TTLL9: variants seen among roughly 807,000 people sequenced by gnomAD.
The protein encoded by TTLL9 is tubulin tyrosine ligase like 9.
A neutral mutation model predicts 65.6 loss-of-function variants in TTLL9; 47 were observed. The ratio of observed to expected loss-of-function variants is 0.72; its 90% CI spans 0.57 to 0.91. The LOEUF (loss-of-function observed/expected upper bound fraction) is 0.91, where lower values mean the gene tolerates loss of function less well. Ranked by LOEUF, TTLL9 falls within the 40% of genes least tolerant of loss-of-function variation. The pLI is 0.00. For synonymous variants in TTLL9, 179 were observed against 204.8 expected (o/e 0.87, Z 1.07); for missense variants, 537 against 568.8 (o/e 0.94, Z 0.57).
intron 2 of TTLL9, among the ~76,000 whole-genome samples, chr20:31,880,269 GTCCATCCATCCA>G (rs893268938): frequency 2.6e-5 from 4 of 151,886 alleles, no homozygotes; most frequent in African/African-American, 9.7e-5. Context: ...CCGTCCATCC[GTCCATCCATCCA>G]TCCATCCATC....
At chr20:31,879,430 G>A (rs1161989770) in intron 2 of TTLL9, 1 of 172,960 alleles carries the variant, frequency 5.8e-6, no homozygotes, top group Non-Finnish European at 1.2e-5. Flanking sequence ...TTAGAAAGCG[G>A]CTGGGATAGC....
chr20:31,889,978 CTTTCTTTCTTTCTTTCTT>C (rs2063265034), intron 3 of TTLL9, among the ~76,000 whole-genome samples: 6 of 60,876 alleles, frequency 9.9e-5, no homozygotes, highest in African/African-American at 5.8e-4. Flanking sequence ...CTCTCTCTTT[CTTTCTTTCTTTCTTTCTT>C]TCTTTCTTTC....
chr20:31,943,985 G>A lies in TTLL9; in HGVS notation c.*964G>A, dbSNP rs952436289. ...CCTCTACCACTCCGCCTGCTTCAGA[G>A]TAGTTTCTCTGGCTGCAAATGGTTG... On this transcript the variant is annotated 3_prime_UTR_variant, in exon 15 of 15. Transcript: ENST00000535842. 8.1e-5 allele frequency: 29 copies of A among 358,460 alleles called. No individual in the cohort carries two copies. Among genetic ancestry groups the A allele is most frequent in the South Asian group, 5.4e-4 (26 of 48,404 alleles). 22.2% of individuals were successfully genotyped at this position (358,460 alleles called of 1,614,324 possible).
At chr20:31,892,182 CTT>C (rs199589961) in intron 3 of TTLL9, among the ~76,000 whole-genome samples, 52 of 125,154 alleles carry the variant, frequency 4.2e-4, no homozygotes, top group Admixed American at 8.8e-4. Context: ...CATAAACTTT[CTT>C]TTTTTTTTTT....
chr20:31,919,869 C>T lies in TTLL9; in HGVS notation c.510C>T (p.Ala170=). 6.3e-7 allele frequency: 1 copy of T among 1,589,434 alleles called. No individual in the cohort carries two copies. Among genetic ancestry groups the T allele is most frequent in the Non-Finnish European group, 8.6e-7 (1 of 1,168,484 alleles). ...CTGCCCCCATCCCACCCCAGGTAGC[C>T]CGGTCTCAAGGGAAAGGCATCTTCC... is the stretch of plus-strand genomic sequence containing the variant. The part of the protein sequence containing the change: ...PGITWIMKPV[A]RSQGKGIFLF... Residue 170 remains alanine (A), a synonymous_variant, in exon 7 of 15, where the codon GCC becomes GCT. Transcript: ENST00000535842.
At position 31,924,989 on chromosome 20, in the gene TTLL9, A is replaced by T. The variant is rs769765687; in HGVS notation, c.665-20A>T. On this transcript the variant is annotated intron_variant, in intron 8 of 14. Transcript: ENST00000535842. ...CGATCAATATTTGTTGCACAAATTA[A>T]TTTTTTCCTTGCCTGACAGGCCGCA... The T allele has an allele frequency of 6.2e-7, 1 of 1,613,812 alleles. No homozygotes were observed. The highest frequency in any genetic ancestry group is 8.5e-7 in the Non-Finnish European group (1 of 1,179,868).
intron 2 of TTLL9, among the ~76,000 whole-genome samples, chr20:31,873,829 A>G (rs200748621): frequency 1.9e-3 from 83 of 44,696 alleles, no homozygotes; most frequent in East Asian, 6.7e-3. Flanking sequence ...AGGAAGAAAG[A>G]AAGAAAGAAA....
chr20:31,886,982 T>A (rs1036176617), intron 2 of TTLL9, among the ~76,000 whole-genome samples: 1 of 152,240 alleles, frequency 6.6e-6, no homozygotes, highest in Non-Finnish European at 1.5e-5. Flanking sequence ...GTACCTTGGA[T>A]ACTTGGGAGT....
intron 3 of TTLL9, among the ~76,000 whole-genome samples, chr20:31,896,136 G>A (rs928706686): frequency 1.7e-4 from 26 of 152,166 alleles, no homozygotes; most frequent in African/African-American, 6.0e-4. Flanking sequence ...CACTGCGCCC[G>A]GCCTGATTTT....
intron 2 of TTLL9, chr20:31,879,894 G>A: frequency 1.3e-6 from 2 of 1,550,334 alleles, no homozygotes; most frequent in Non-Finnish European, 1.7e-6. Context: ...TGTCGCGACC[G>A]AAGGTAGGAG....
intron 2 of TTLL9, among the ~76,000 whole-genome samples, chr20:31,876,142 G>GTATT (rs1213203701): frequency 2.0e-5 from 3 of 152,114 alleles, no homozygotes; most frequent in Admixed American, 2.0e-4. Flanking sequence ...TCACTGTATG[G>GTATT]TATTTTATTA....
At chr20:31,924,513 CT>C (rs899157624) in intron 8 of TTLL9, among the ~76,000 whole-genome samples, 2 of 152,124 alleles carry the variant, frequency 1.3e-5, no homozygotes, top group Non-Finnish European at 2.9e-5. Flanking sequence ...AGTTTCAAGA[CT>C]TTCCCCCAAG....
At chr20:31,912,530 A>G (rs549169099) in intron 6 of TTLL9, among the ~76,000 whole-genome samples, 6 of 151,808 alleles carry the variant, frequency 4.0e-5, no homozygotes, top group Non-Finnish European at 5.9e-5. Context: ...CATTTCTAGC[A>G]AGTTCCCAGG....
At chr20:31,890,070 TGC>T (rs1257336978) in intron 3 of TTLL9, among the ~76,000 whole-genome samples, 4,765 of 77,154 alleles carry the variant, frequency 0.062, 300 homozygotes, top group African/African-American at 0.11. Flanking sequence ...CTTTCTTTCT[TGC>T]TTTCTTGCTT....
At chr20:31,923,275 C>A (rs547268761) in intron 8 of TTLL9, among the ~76,000 whole-genome samples, 1 of 152,332 alleles carries the variant, frequency 6.6e-6, no homozygotes, top group East Asian at 1.9e-4. Flanking sequence ...CAGAAAAATT[C>A]TCCTCCTTTA....
chr20:31,881,376 T>A lies in TTLL9; in HGVS notation c.70-5820T>A, dbSNP rs1017127492. Among the ~76,000 whole-genome samples the A allele has an allele frequency of 3.3e-5, 5 of 151,952 alleles. No homozygotes were observed. In the East Asian group the frequency reaches 9.6e-4, roughly 29 times the overall value. On this transcript the variant is annotated intron_variant, in intron 2 of 14. Coordinates refer to ENST00000535842, the MANE Select transcript of TTLL9 (RefSeq NM_001008409.5). ...CTGACTACAGTTGATACATGTTGAA[T>A]GACTATTGAACTACCTGTCTAGATG...
At chr20:31,885,728 C>T (rs139093165) in intron 2 of TTLL9, among the ~76,000 whole-genome samples, 8 of 152,154 alleles carry the variant, frequency 5.3e-5, no homozygotes, top group African/African-American at 1.9e-4. Context: ...AAGATTCCCA[C>T]CCCCTAGAGT....
chr20:31,905,558 G>A (rs562821342), intron 4 of TTLL9, among the ~76,000 whole-genome samples: 2 of 152,200 alleles, frequency 1.3e-5, no homozygotes, highest in South Asian at 2.1e-4. Context: ...CCATTACCAC[G>A]TGCTTCACGT....
chr20:31,906,846 C>T (rs2063566437), intron 4 of TTLL9, among the ~76,000 whole-genome samples: 1 of 152,104 alleles, frequency 6.6e-6, no homozygotes, highest in Non-Finnish European at 1.5e-5. Flanking sequence ...AATGGGGTTT[C>T]ACCATGTTGG....
Sources: gnomAD v4.1 joint callset for allele counts (sites outside exome capture counted in the v4.1 genomes callset) on GRCh38, gnomAD v4.1.1 for gene constraint, MANE v1.5 for transcripts, NCBI Gene and HGNC (gene_info 2026-07-23, HGNC 2026-07-21) for gene names.